MTUS2: variants seen among roughly 807,000 people sequenced by gnomAD.
MTUS2 encodes the protein microtubule associated scaffold protein 2, also known as microtubule-associated tumor suppressor candidate 2.
A neutral mutation model predicts 114.1 loss-of-function variants in MTUS2; 40 were observed. The observed-to-expected ratio is 0.35, with a 90% confidence interval of 0.27 to 0.46. The LOEUF (loss-of-function observed/expected upper bound fraction) is 0.46. MTUS2 is among the 20% of genes least tolerant of loss of function. The pLI, the probability that MTUS2 is intolerant of heterozygous loss-of-function variation, is 1.00. For missense variants in MTUS2, 1,679 were observed against 1,705.4 expected, an observed-to-expected ratio of 0.98 and a Z score of 0.27; for synonymous variants, 688 against 672.0, an observed-to-expected ratio of 1.02 and a Z score of -0.37.
chr13:29,440,497 T>C (rs1877756345), intron 9 of MTUS2, among the ~76,000 whole-genome samples: 1 of 152,206 alleles, frequency 6.6e-6, no homozygotes, highest in Non-Finnish European at 1.5e-5. Flanking sequence ...CATGTTGAAA[T>C]TTCTAATATT....
At chr13:28,844,008 CAT>C (rs1875690025) in intron 2 of MTUS2, among the ~76,000 whole-genome samples, 1 of 152,186 alleles carries the variant, frequency 6.6e-6, no homozygotes, top group South Asian at 2.1e-4. Flanking sequence ...AGGAGTTCAT[CAT>C]ATTTGAAATT....
intron 8 of MTUS2, among the ~76,000 whole-genome samples, chr13:29,389,344 CGTGTGT>C (rs10538350): frequency 3.6e-5 from 2 of 55,980 alleles, no homozygotes; most frequent in African/African-American, 1.8e-4. Context: ...TATGTATGCA[CGTGTGT>C]GTATATATGT....
intron 5 of MTUS2, among the ~76,000 whole-genome samples, chr13:29,217,016 G>C (rs1022581933): frequency 3.3e-5 from 5 of 152,166 alleles, no homozygotes; most frequent in African/African-American, 1.2e-4. Context: ...TTTCAACCAT[G>C]AAAGTTTAAC....
chr13:28,908,150 T>A (rs796251743), intron 2 of MTUS2, among the ~76,000 whole-genome samples: 3 of 151,678 alleles, frequency 2.0e-5, no homozygotes, highest in Admixed American at 6.6e-5. Context: ...TTCTTTGTTT[T>A]TTTATTATAC....
chr13:28,938,425 A>G (rs1416764871), intron 2 of MTUS2, among the ~76,000 whole-genome samples: 2 of 152,130 alleles, frequency 1.3e-5, no homozygotes, highest in African/African-American at 4.8e-5. Flanking sequence ...GAATTTGCTA[A>G]AAAAGAATAT....
Position 28,939,753 on chromosome 13 carries a change from AAG to A in MTUS2, c.-242-84700_-242-84699del, listed in dbSNP as rs532244455. On this transcript the variant is annotated intron_variant, in intron 2 of 15. Coordinates refer to ENST00000612955, the MANE Select transcript of MTUS2 (RefSeq NM_001033602.4). ...GTGAAAAACAAACAAAAAAAAAACTAAGAGAACGTAAGTGTCTTAGTCCGTTT... is the reference window on the plus strand; with the variant it reads ...GTGAAAAACAAACAAAAAAAAAACTAAGAACGTAAGTGTCTTAGTCCGTTT... Among the ~76,000 whole-genome samples the A allele has an allele frequency of 4.0e-3, 608 of 152,282 alleles. 2 individuals are homozygous for A. Among genetic ancestry groups the A allele is most frequent in the Non-Finnish European group, 7.4e-3 (500 of 68,014 alleles).
chr13:29,256,993 A>G (rs1004742557), intron 5 of MTUS2, among the ~76,000 whole-genome samples: 8 of 152,188 alleles, frequency 5.3e-5, no homozygotes, highest in African/African-American at 1.9e-4. Context: ...GCAAAATAAA[A>G]GGTGGACCTC....
At chr13:29,035,333 T>G (rs1227056303) in intron 4 of MTUS2, among the ~76,000 whole-genome samples, 3 of 152,184 alleles carry the variant, frequency 2.0e-5, no homozygotes, top group African/African-American at 7.2e-5. Context: ...ACATGCCTTC[T>G]TAGCGCTGCT....
In MTUS2 at chr13:28,968,659, T is replaced by C. The variant is rs182867634; in HGVS notation, c.-242-55798T>C. 8.3e-3 allele frequency among the ~76,000 whole-genome samples: 1,258 copies of C among 152,292 alleles called. 9 individuals are homozygous for C. The highest frequency in any genetic ancestry group is 0.013 in the Non-Finnish European group (864 of 68,022). On this transcript the variant is annotated intron_variant, in intron 2 of 15. Transcript: ENST00000612955. ...AATAAAAAAATTTTCATGTCCTATTTATGAGTTTTATATGACTCGTGCCTT... is the reference window on the plus strand; with the variant it reads ...AATAAAAAAATTTTCATGTCCTATTCATGAGTTTTATATGACTCGTGCCTT...
At chr13:29,284,057 C>T (rs569698500) in intron 6 of MTUS2, among the ~76,000 whole-genome samples, 34 of 152,202 alleles carry the variant, frequency 2.2e-4, no homozygotes, top group African/African-American at 7.5e-4. Flanking sequence ...AGTCTCACAC[C>T]GAGGAGTCTT....
intron 2 of MTUS2, among the ~76,000 whole-genome samples, chr13:28,917,735 A>C (rs1303291082): frequency 6.6e-6 from 1 of 151,360 alleles, no homozygotes; most frequent in East Asian, 1.9e-4. Context: ...ATTTCGCTTT[A>C]ATCTTTGTTA....
intron 2 of MTUS2, among the ~76,000 whole-genome samples, chr13:28,982,324 A>T (rs1476241327): frequency 6.7e-6 from 1 of 149,788 alleles, no homozygotes; most frequent in East Asian, 2.0e-4. Flanking sequence ...ACTACTTCAC[A>T]CCTATGAGGA....
At chr13:28,852,316 G>A (rs1666205389) in intron 2 of MTUS2, among the ~76,000 whole-genome samples, 1 of 152,120 alleles carries the variant, frequency 6.6e-6, no homozygotes, top group African/African-American at 2.4e-5. Flanking sequence ...GAAGCTCTGG[G>A]AGGATGACTG....
chr13:28,930,532 A>C lies in MTUS2; in HGVS notation c.-243+90682A>C, dbSNP rs548954995. Among the ~76,000 whole-genome samples, 3 of 152,308 alleles carry C rather than the reference A, an allele frequency of 2.0e-5. No homozygotes were observed. In the East Asian group the frequency reaches 5.8e-4, roughly 29 times the overall value. ...TGTGGGTCCCTCTCTTTTGGTGTGA[A>C]TAGAAGGTAGAGGAAAAGTGTGTAG... On this transcript the variant is annotated intron_variant, in intron 2 of 15. Transcript: ENST00000612955.
Position 29,001,835 on chromosome 13 carries a change from A to G in MTUS2, c.-242-22622A>G, listed in dbSNP as rs567043077. 2.0e-5 allele frequency among the ~76,000 whole-genome samples: 3 copies of G among 151,992 alleles called. No homozygotes were observed. In the South Asian group the frequency reaches 6.2e-4, roughly 32 times the overall value. On this transcript the variant is annotated intron_variant, in intron 2 of 15. Transcript: ENST00000612955. ...TTGTAAGAGGGAGGCAGGAGTGTCA[A>G]AGTCAGAGGAGGAGATGTGATGATC...
At chr13:29,254,526 C>T (rs1301759184) in intron 5 of MTUS2, among the ~76,000 whole-genome samples, 1 of 152,234 alleles carries the variant, frequency 6.6e-6, no homozygotes, top group Non-Finnish European at 1.5e-5. Context: ...TGCCACGTGG[C>T]CGTGTTGCTG....
intron 5 of MTUS2, among the ~76,000 whole-genome samples, chr13:29,192,582 G>C (rs1289061246): frequency 3.3e-5 from 5 of 152,116 alleles, no homozygotes; most frequent in Admixed American, 3.3e-4. Context: ...AAATGTTTGA[G>C]ATGATATATA....
At chr13:28,893,690 A>G (rs1879063941) in intron 2 of MTUS2, among the ~76,000 whole-genome samples, 1 of 152,212 alleles carries the variant, frequency 6.6e-6, no homozygotes, top group South Asian at 2.1e-4. Context: ...CTGGGATTTT[A>G]GCAACATCAG....
At chr13:29,448,566 G>A (rs1483895018) in intron 9 of MTUS2, among the ~76,000 whole-genome samples, 1 of 151,522 alleles carries the variant, frequency 6.6e-6, no homozygotes, top group African/African-American at 2.4e-5. Flanking sequence ...GCTGGACAAA[G>A]CTGCCTCCTG....
Sources: gnomAD v4.1 joint callset for allele counts (sites outside exome capture counted in the v4.1 genomes callset) on GRCh38, gnomAD v4.1.1 for gene constraint, MANE v1.5 for transcripts, NCBI Gene and HGNC (gene_info 2026-07-23, HGNC 2026-07-21) for gene names.